Variants in SNX8 observed in about 807,000 individuals in gnomAD.
SNX8 encodes sorting nexin-8.
In SNX8, 25 loss-of-function variants were observed where a neutral mutation model predicts 51.6. That is an observed-to-expected ratio of 0.48 (90% CI 0.35 to 0.68). The LOEUF (loss-of-function observed/expected upper bound fraction) is 0.68. Among genes scored for constraint, SNX8 ranks in the 30% least tolerant of loss-of-function variants. The pLI is 0.00. For missense variants in SNX8, 695 were observed against 624.0 expected (o/e 1.11, Z -1.21); for synonymous variants, 324 against 277.0 (o/e 1.17, Z -1.68).
At chr7:2,344,160 CG>C (rs1562464577) in intron 1 of SNX8, among the ~76,000 whole-genome samples, 1 of 151,530 alleles carries the variant, frequency 6.6e-6, no homozygotes, top group African/African-American at 2.4e-5. Context: ...GCCATGATCA[CG>C]TAATTGAGCC....
At chr7:2,278,028 C>A in intron 2 of SNX8, 72 bp downstream of exon 2, 1 of 1,557,398 alleles carries the variant, frequency 6.4e-7, no homozygotes, top group Non-Finnish European at 8.7e-7. Context: ...CACACCACTC[C>A]TGCCCTGAGA....
intron 1 of SNX8, among the ~76,000 whole-genome samples, chr7:2,282,644 A>G (rs1167838452): frequency 6.6e-6 from 1 of 152,198 alleles, no homozygotes; most frequent in African/African-American, 2.4e-5. Flanking sequence ...CACAGCTGAC[A>G]TCTCGGGCCT....
Position 2,255,055 on chromosome 7 carries a change from G to T in SNX8, c.*1C>A. The T allele has an allele frequency of 6.4e-7, 1 of 1,553,668 alleles. No individual in the cohort carries two copies. Among genetic ancestry groups the T allele is most frequent in the East Asian group, 2.4e-5 (1 of 41,764 alleles). On this transcript the variant is annotated 3_prime_UTR_variant, in exon 11 of 11. Coordinates refer to ENST00000222990, the MANE Select transcript of SNX8 (RefSeq NM_013321.4). ...AGGGAGCACCACCTCAGCCTCAGGC[G>T]CTAGTGAGGACACAGGCCGTCCTCC...
At chr7:2,341,779 G>C (rs1420190873) in intron 1 of SNX8, among the ~76,000 whole-genome samples, 1 of 151,916 alleles carries the variant, frequency 6.6e-6, no homozygotes, top group African/African-American at 2.4e-5. Flanking sequence ...CTGAGGTCAG[G>C]AGTTCAAGAC....
intron 1 of SNX8, among the ~76,000 whole-genome samples, chr7:2,296,455 T>G (rs1243209467): frequency 6.6e-6 from 1 of 151,992 alleles, no homozygotes; most frequent in Non-Finnish European, 1.5e-5. Context: ...CTGAATTCTT[T>G]TCTCAAATCT....
chr7:2,288,345 C>CT (rs1355365860), intron 1 of SNX8: 2 of 114,154 alleles, frequency 1.8e-5, no homozygotes, highest in South Asian at 2.9e-4. Context: ...GCAAGACTGT[C>CT]TTAAAAAAAA....
intron 1 of SNX8, chr7:2,309,747 T>C: frequency 2.2e-6 from 1 of 453,882 alleles, no homozygotes; most frequent in Non-Finnish European, 4.5e-6. Context: ...AAAAAAAGTA[T>C]AAACTTTAAG....
chr7:2,300,430 G>A (rs1796365229), intron 1 of SNX8, among the ~76,000 whole-genome samples: 1 of 152,040 alleles, frequency 6.6e-6, no homozygotes, highest in Non-Finnish European at 1.5e-5. Context: ...TTTTTTTGGA[G>A]ACAGAGTCTT....
chr7:2,342,633 G>C (rs1487555920), intron 1 of SNX8, among the ~76,000 whole-genome samples: 1 of 149,984 alleles, frequency 6.7e-6, no homozygotes, highest in African/African-American at 2.5e-5. Context: ...CAGCCTAGGC[G>C]ACAGAGCGAG....
intron 1 of SNX8, among the ~76,000 whole-genome samples, chr7:2,305,456 T>C (rs4318967): frequency 0.42 from 64,475 of 151,794 alleles, 14,096 homozygotes; most frequent in East Asian, 0.6. Context: ...CTCTGCCTCC[T>C]GGGTTCAAGT....
intron 1 of SNX8, among the ~76,000 whole-genome samples, chr7:2,333,841 T>C (rs1778780061): frequency 6.6e-6 from 1 of 152,066 alleles, no homozygotes; most frequent in Admixed American, 6.6e-5. Flanking sequence ...GGTCTAAACA[T>C]AAAAGTTGGC....
At chr7:2,325,211 G>A (rs968620689) in intron 1 of SNX8, among the ~76,000 whole-genome samples, 5 of 152,110 alleles carry the variant, frequency 3.3e-5, no homozygotes, top group African/African-American at 4.8e-5. Flanking sequence ...TGCAATCAGA[G>A]CTCACTGCAG....
At chr7:2,331,659 C>A (rs1402999645) in intron 1 of SNX8, among the ~76,000 whole-genome samples, 1 of 151,722 alleles carries the variant, frequency 6.6e-6, no homozygotes, top group Non-Finnish European at 1.5e-5. Flanking sequence ...GAGCCAAGAT[C>A]ACACCACTGC....
At chr7:2,317,614 G>A (rs937950175), upstream of SNX8, among the ~76,000 whole-genome samples, 26 of 152,014 alleles carry the variant, frequency 1.7e-4, 1 homozygote, top group Admixed American at 8.5e-4. Flanking sequence ...CACAATGTCC[G>A]GGGAGTTGAT....
chr7:2,354,068 ACCCGCC>A (rs924109807), intron 1 of SNX8: 2 of 152,416 alleles, frequency 1.3e-5, no homozygotes, highest in African/African-American at 4.8e-5. Flanking sequence ...CGCGGCGAGG[ACCCGCC>A]CCCGCCCCCA....
intron 7 of SNX8, among the ~76,000 whole-genome samples, chr7:2,259,301 C>G (rs1196503333): frequency 6.6e-6 from 1 of 152,198 alleles, no homozygotes; most frequent in Non-Finnish European, 1.5e-5. Flanking sequence ...CAGTCACACC[C>G]GGGCCCTGAA....
intron 1 of SNX8, among the ~76,000 whole-genome samples, chr7:2,294,802 A>G (rs748049992): frequency 1.8e-4 from 27 of 152,168 alleles, no homozygotes; most frequent in Non-Finnish European, 5.9e-5. Flanking sequence ...TGTGAGGCCA[A>G]ACAGGGAGGA....
intron 3 of SNX8, among the ~76,000 whole-genome samples, chr7:2,273,047 T>C (rs906704204): frequency 1.3e-5 from 2 of 151,966 alleles, no homozygotes. Flanking sequence ...TTGGTCATGC[T>C]GGTCTCGAAC....
upstream of SNX8, among the ~76,000 whole-genome samples, chr7:2,317,341 T>C (rs1290043222): frequency 7.2e-6 from 1 of 139,694 alleles, no homozygotes. Flanking sequence ...GGCAGTGGCA[T>C]GATCTTGGCT....
Sources: allele counts gnomAD v4.1 joint callset (sites outside exome capture counted in the v4.1 genomes callset), GRCh38; gene constraint gnomAD v4.1.1; transcripts MANE v1.5; gene names NCBI Gene and HGNC (gene_info 2026-07-23, HGNC 2026-07-21).